UNC79: variants seen among roughly 807,000 people sequenced by gnomAD.
The protein encoded by UNC79 is protein unc-79 homolog.
UNC79 carries 37 observed loss-of-function variants against 283.1 expected under a neutral mutation model. The observed-to-expected ratio is 0.13, with a 90% CI of 0.10 to 0.17. The LOEUF is 0.17. Ranked by LOEUF, UNC79 falls within the 10% of genes least tolerant of loss-of-function variation. The probability of loss-of-function intolerance (pLI) is 1.00; values close to 1 mark genes in which losing one functional copy is unlikely to be tolerated. For missense variants in UNC79, 2,272 were observed against 3,211.1 expected (o/e 0.71, Z 7.07); for synonymous variants, 1,107 against 1,200.2 (o/e 0.92, Z 1.61).
chr14:93,505,462 A>C (rs1240052004), intron 7 of UNC79, among the ~76,000 whole-genome samples: 1 of 152,104 alleles, frequency 6.6e-6, no homozygotes, highest in East Asian at 1.9e-4. Flanking sequence ...TTTGTCTTAT[A>C]CTAATGTAGC....
intron 1 of UNC79, among the ~76,000 whole-genome samples, chr14:93,463,639 TCTA>T (rs1003801794): frequency 3.3e-5 from 5 of 152,176 alleles, no homozygotes; most frequent in African/African-American, 1.2e-4. Context: ...GTTTTTGACA[TCTA>T]CTATTTAATA....
At chr14:93,601,226 T>C (rs1220868488) in intron 25 of UNC79, among the ~76,000 whole-genome samples, 1 of 152,188 alleles carries the variant, frequency 6.6e-6, no homozygotes, top group East Asian at 1.9e-4. Context: ...TTGTACCCAA[T>C]GTGTAGTCTT....
chr14:93,352,758 C>T (rs1001292412), intron 1 of UNC79, among the ~76,000 whole-genome samples: 2 of 152,094 alleles, frequency 1.3e-5, no homozygotes, highest in African/African-American at 4.8e-5. Flanking sequence ...TTAAAAACAC[C>T]TTATTTAATA....
intron 5 of UNC79, among the ~76,000 whole-genome samples, chr14:93,490,679 A>G (rs1362021935): frequency 6.6e-6 from 1 of 152,170 alleles, no homozygotes; most frequent in Non-Finnish European, 1.5e-5. Flanking sequence ...GTCCGTATTT[A>G]TACTAACATT....
At chr14:93,538,544 T>C (rs933528740) in intron 12 of UNC79, among the ~76,000 whole-genome samples, 5 of 151,854 alleles carry the variant, frequency 3.3e-5, no homozygotes, top group African/African-American at 1.2e-4. Flanking sequence ...AGTAATAGCA[T>C]TGAGGAAAGG....
At chr14:93,551,176 A>C (rs976155201) in intron 14 of UNC79, among the ~76,000 whole-genome samples, 1 of 152,038 alleles carries the variant, frequency 6.6e-6, no homozygotes, top group Non-Finnish European at 1.5e-5. Context: ...CAACCTCCCG[A>C]GTAGCTGGGA....
chr14:93,594,211 T>G (rs1181479839), intron 23 of UNC79, among the ~76,000 whole-genome samples: 2 of 152,148 alleles, frequency 1.3e-5, no homozygotes. Flanking sequence ...TCTGGCCACA[T>G]CCTAGAGCTA....
chr14:93,626,582 G>A lies in UNC79; in HGVS notation c.5608+3741G>A, dbSNP rs1478743103. On this transcript the variant is annotated intron_variant, in intron 30 of 48. Transcript: ENST00000555664. ...AGCCCATTTTACTCCTTTCCTTGTA[G>A]CAAAACATTTTGGAAGAGATAGAAT... 2.6e-5 allele frequency among the ~76,000 whole-genome samples: 4 copies of A among 152,118 alleles called. No individual in the cohort carries two copies. In the East Asian group the frequency reaches 5.8e-4, roughly 22 times the overall value.
chr14:93,630,934 C>T, intron 31 of UNC79, 26 bp downstream of exon 33: 2 of 1,589,710 alleles, frequency 1.3e-6, no homozygotes, highest in Non-Finnish European at 1.7e-6. Flanking sequence ...CTGATTATTT[C>T]ATCTATGCAT....
At chr14:93,512,084 C>A (rs564439861) in intron 7 of UNC79, among the ~76,000 whole-genome samples, 1 of 152,102 alleles carries the variant, frequency 6.6e-6, no homozygotes, top group African/African-American at 2.4e-5. Context: ...ATTGCTCTAT[C>A]TTTATTGCCT....
At position 93,531,039 on chromosome 14, in the gene UNC79, C is replaced by T. The variant is rs2060799879; in HGVS notation, c.1094-1511C>T. 1.3e-5 allele frequency among the ~76,000 whole-genome samples: 2 copies of T among 152,198 alleles called. No individual in the cohort carries two copies. The highest frequency in any genetic ancestry group is 4.8e-5 in the African/African-American group (2 of 41,458). On this transcript the variant is annotated intron_variant, in intron 10 of 48. Coordinates refer to ENST00000555664, the Ensembl canonical transcript of UNC79. This position sits in a 1 kb window ranked among gnomAD's most constrained non-coding sequence, Gnocchi z 4.2. ...CTACTTAATTAGTGATCATCCAGTG[C>T]TCTGAGGTAAAAGCCATAGTCAAGT...
rs115135593 is a variant in UNC79 at position 93,365,896 on chromosome 14, G to A, written c.-351+32373G>A. 1.1e-3 allele frequency among the ~76,000 whole-genome samples: 167 copies of A among 152,218 alleles called. 1 individual carries two copies. Among genetic ancestry groups the A allele is most frequent in the African/African-American group, 3.7e-3 (153 of 41,552 alleles). The stretch of plus-strand genomic sequence containing the variant: ...AAAAGGCCTCAGATTGAAACAATCC[G>A]TCAACTGGAAGTAGAATAAATTATA... On this transcript the variant is annotated intron_variant, in intron 1 of 49. Coordinates refer to the UNC79 transcript ENST00000256339.
chr14:93,436,004 T>C (rs557574714), intron 1 of UNC79, among the ~76,000 whole-genome samples: 2 of 152,218 alleles, frequency 1.3e-5, no homozygotes, highest in East Asian at 3.8e-4. Context: ...TTCTTGTTAG[T>C]TGCCTTAATT....
Position 93,467,620 on chromosome 14 carries a change from T to C in UNC79, c.23-51T>C, listed in dbSNP as rs1440071567. The C allele has an allele frequency of 7.9e-5, 96 of 1,221,782 alleles. No individual in the cohort carries two copies. In the African/African-American group the frequency reaches 1.1e-3, roughly 13 times the overall value. 75.7% of individuals were successfully genotyped at this position (1,221,782 alleles called of 1,614,324 possible). On this transcript the variant is annotated intron_variant, in intron 1 of 48. Coordinates refer to ENST00000555664, the Ensembl canonical transcript of UNC79. ...ACAAGATGATTCTTCTCTTTCTTTT[T>C]CTTCTTCCTTTTTTTTTTTTTTTTT...
At chr14:93,346,067 T>C (rs1449969593) in intron 1 of UNC79, among the ~76,000 whole-genome samples, 1 of 151,732 alleles carries the variant, frequency 6.6e-6, no homozygotes, top group Non-Finnish European at 1.5e-5. Context: ...CAAATTAGCA[T>C]TTAAATGGAG....
rs1436629919 is a variant in UNC79, at chr14:93,357,717, A to G, written c.-351+24194A>G. On this transcript the variant is annotated intron_variant, in intron 1 of 49. Coordinates refer to the UNC79 transcript ENST00000256339. ...TATATATATATATATATATATATAT[A>G]TATGGATATATGGATGTATATATAT... 5.1e-5 allele frequency among the ~76,000 whole-genome samples: 6 copies of G among 116,872 alleles called. No individual in the cohort carries two copies. In the East Asian group the frequency reaches 6.9e-4, roughly 13 times the overall value. The allele number at this position is 116,872 out of a possible 152,430, so 76.7% of individuals were successfully genotyped here. A position where few individuals can be genotyped will look rare whatever the true frequency, so the allele number is the denominator to read the frequency against.
At chr14:93,619,828 GC>G (rs2066993829) in intron 29 of UNC79, among the ~76,000 whole-genome samples, 1 of 152,142 alleles carries the variant, frequency 6.6e-6, no homozygotes, top group African/African-American at 2.4e-5. Flanking sequence ...GTAAATACAG[GC>G]CAAACATTAT....
chr14:93,341,126 T>C (rs1403448482), intron 1 of UNC79, among the ~76,000 whole-genome samples: 1 of 152,112 alleles, frequency 6.6e-6, no homozygotes, highest in Non-Finnish European at 1.5e-5. Flanking sequence ...CTAGATGTAA[T>C]TCAGGAGAAG....
At chr14:93,671,541 G>A (rs1566899411) in intron 40 of UNC79, among the ~76,000 whole-genome samples, 1 of 152,142 alleles carries the variant, frequency 6.6e-6, no homozygotes, top group Non-Finnish European at 1.5e-5. Flanking sequence ...CGGAGGCCGA[G>A]GCAGGTGGAT....
Sources: gnomAD v4.1 joint callset for allele counts (sites outside exome capture counted in the v4.1 genomes callset) on GRCh38, gnomAD v4.1.1 for gene constraint, Gnocchi (gnomAD v3.1) non-coding constraint, MANE v1.5 for transcripts, NCBI Gene and HGNC (gene_info 2026-07-23, HGNC 2026-07-21) for gene names.